Variants in CCSER1 observed in about 807,000 individuals in gnomAD.
The protein encoded by CCSER1 is serine-rich coiled-coil domain-containing protein 1.
CCSER1 carries 41 observed loss-of-function variants against 82.0 expected under a neutral mutation model. That is an observed-to-expected ratio of 0.50 (90% CI 0.39 to 0.65). The LOEUF (loss-of-function observed/expected upper bound fraction) is 0.65, where lower values mean the gene tolerates loss of function less well. CCSER1 is among the 30% of genes least tolerant of loss of function. CCSER1 has a pLI of 0.00. For missense variants in CCSER1, 1,119 were observed against 1,064.2 expected (o/e 1.05, Z -0.72); for synonymous variants, 414 against 383.9 (o/e 1.08, Z -0.92).
chr4:90,544,108 C>T (rs996058867), intron 5 of CCSER1, among the ~76,000 whole-genome samples: 4 of 152,160 alleles, frequency 2.6e-5, no homozygotes, highest in East Asian at 3.9e-4. Context: ...GATGCCTGCA[C>T]GTGTGAGGGG....
chr4:91,089,458 A>C (rs539628938), intron 10 of CCSER1, among the ~76,000 whole-genome samples: 8 of 152,324 alleles, frequency 5.3e-5, no homozygotes, highest in Non-Finnish European at 1.0e-4. Flanking sequence ...AATATAAAAC[A>C]ATATGGGGGG....
chr4:90,661,927 G>T (rs1214636657), intron 6 of CCSER1, among the ~76,000 whole-genome samples: 2 of 151,116 alleles, frequency 1.3e-5, no homozygotes, highest in Admixed American at 6.6e-5. Context: ...TTTATTTTAG[G>T]TCTGCTGTGT....
chr4:91,111,791 A>G (rs17183233), intron 10 of CCSER1, among the ~76,000 whole-genome samples: 4,452 of 151,356 alleles, frequency 0.029, 103 homozygotes, highest in Non-Finnish European at 0.043. Context: ...TGAAGCAAGA[A>G]ATACTGTATC....
chr4:90,974,531 TG>T (rs1316397293), intron 9 of CCSER1, among the ~76,000 whole-genome samples: 2 of 151,128 alleles, frequency 1.3e-5, no homozygotes, highest in Non-Finnish European at 3.0e-5. Flanking sequence ...ATCATGTGTT[TG>T]ATAAAAGACT....
intron 7 of CCSER1, among the ~76,000 whole-genome samples, chr4:90,752,006 T>C (rs570599841): frequency 3.3e-5 from 5 of 152,136 alleles, no homozygotes; most frequent in Non-Finnish European, 7.4e-5. Context: ...TTGTCCCTGC[T>C]AAGCCACAAA....
chr4:91,153,516 C>T (rs1465772450), intron 10 of CCSER1, among the ~76,000 whole-genome samples: 1 of 152,010 alleles, frequency 6.6e-6, no homozygotes, highest in Non-Finnish European at 1.5e-5. Context: ...CTTCTCTCAA[C>T]TTGTCAAAGT....
Position 91,592,825 on chromosome 4 carries a change from AT to A in CCSER1, c.2218-5737del, listed in dbSNP as rs577701719. 8.0e-5 allele frequency among the ~76,000 whole-genome samples: 12 copies of A among 149,648 alleles called. No homozygotes were observed. In the South Asian group the frequency reaches 1.1e-3, roughly 13 times the overall value. ...AGAACAATTCTTGTTGTAAAGCAAT[AT>A]TTTTTTTTTGTTAAGTGGAGAACAT... On this transcript the variant is annotated intron_variant, in intron 10 of 10. Coordinates refer to ENST00000509176, the MANE Select transcript of CCSER1 (RefSeq NM_001145065.2).
intron 8 of CCSER1, among the ~76,000 whole-genome samples, chr4:90,917,525 G>C (rs6811626): frequency 0.47 from 70,709 of 151,866 alleles, 18,079 homozygotes; most frequent in African/African-American, 0.69. Context: ...GGTAGAAGGA[G>C]GGGGGAGGGA....
At chr4:91,589,578 T>G (rs1213380162) in intron 10 of CCSER1, among the ~76,000 whole-genome samples, 1 of 138,916 alleles carries the variant, frequency 7.2e-6, no homozygotes, top group Non-Finnish European at 1.5e-5. Context: ...GAGGCTCTTT[T>G]TTTTTTTTTT....
intron 10 of CCSER1, among the ~76,000 whole-genome samples, chr4:91,513,865 G>GCTAGCAGT (rs1301676305): frequency 1.3e-5 from 2 of 151,782 alleles, no homozygotes; most frequent in African/African-American, 4.8e-5. Context: ...ACTTCAAGTA[G>GCTAGCAGT]CTAGCAGTCT....
chr4:90,507,415 T>C lies in CCSER1; in HGVS notation c.1724+39061T>C, dbSNP rs900289636. Reference sequence around the variant, plus strand: ...TTATTTGAAAAAAACATACAACTATTAAATTTCAAACTGTGACAGTTAATC... The same window carrying C: ...TTATTTGAAAAAAACATACAACTATCAAATTTCAAACTGTGACAGTTAATC... On this transcript the variant is annotated intron_variant, in intron 5 of 10. Coordinates refer to ENST00000509176, the MANE Select transcript of CCSER1 (RefSeq NM_001145065.2). Among the ~76,000 whole-genome samples the C allele has an allele frequency of 6.6e-5, 10 of 152,242 alleles. No individual in the cohort carries two copies. The East Asian group carries it at 1.7e-3, about 26-fold the overall frequency.
rs887268975 is a variant in CCSER1 at position 90,149,367 on chromosome 4, GTTT to G, written c.-42+21538_-42+21540del. ...GAACATTTGCTATTTTATTGTTGCT[GTTT>G]TCAGGCAAAGCCATTTCATTGCCCT... On this transcript the variant is annotated intron_variant, in intron 1 of 10. Transcript: ENST00000509176. 5.9e-5 allele frequency among the ~76,000 whole-genome samples: 9 copies of G among 151,972 alleles called. 1 individual carries two copies. Among genetic ancestry groups the G allele is most frequent in the African/African-American group, 2.2e-4 (9 of 41,448 alleles).
intron 1 of CCSER1, among the ~76,000 whole-genome samples, chr4:90,189,210 T>G (rs1273676498): frequency 6.6e-6 from 1 of 151,958 alleles, no homozygotes; most frequent in Non-Finnish European, 1.5e-5. Flanking sequence ...AAGGTACTCA[T>G]AGAAGCCCGT....
chr4:90,697,545 A>G (rs1342125911), intron 6 of CCSER1, among the ~76,000 whole-genome samples: 1 of 152,110 alleles, frequency 6.6e-6, no homozygotes, highest in Non-Finnish European at 1.5e-5. Flanking sequence ...AACAATTCTT[A>G]CCTACTTTTA....
At chr4:90,792,542 A>T (rs1755400100) in intron 7 of CCSER1, among the ~76,000 whole-genome samples, 1 of 152,196 alleles carries the variant, frequency 6.6e-6, no homozygotes, top group Admixed American at 6.5e-5. Flanking sequence ...AAGGGTGCCT[A>T]CTACCTATAG....
intron 9 of CCSER1, among the ~76,000 whole-genome samples, chr4:91,013,420 TTC>T (rs1739157560): frequency 7.5e-6 from 1 of 133,226 alleles, no homozygotes; most frequent in Admixed American, 7.5e-5. Context: ...TGATCCATTG[TTC>T]TATATGTCTG....
chr4:90,981,811 TCTC>T lies in CCSER1; in HGVS notation c.2172+58368_2172+58370del, dbSNP rs1273030561. On this transcript the variant is annotated intron_variant, in intron 9 of 10. Transcript: ENST00000509176. The stretch of plus-strand genomic sequence containing the variant: ...AGCAATTAGGATAGCTTATATGAGG[TCTC>T]CTCAATGGTGTGGTTGCTATAAACA... Among the ~76,000 whole-genome samples the T allele has an allele frequency of 8.6e-5, 13 of 151,852 alleles. No homozygotes were observed. In the East Asian group the frequency reaches 1.6e-3, roughly 18 times the overall value.
Position 91,054,299 on chromosome 4 carries a change from G to A in CCSER1, c.2173-31651G>A, listed in dbSNP as rs188457329. Among the ~76,000 whole-genome samples, 196 of 152,230 alleles carry A rather than the reference G, an allele frequency of 1.3e-3. 1 individual carries two copies. The highest frequency in any genetic ancestry group is 3.6e-3 in the African/African-American group (149 of 41,542). On this transcript the variant is annotated intron_variant, in intron 9 of 10. Transcript: ENST00000509176. ...AGACATTGAGCAGAGAAATCAAATCGCTCAAATTCACCTTGAAGGCTCAGG... is the reference window on the plus strand; with the variant it reads ...AGACATTGAGCAGAGAAATCAAATCACTCAAATTCACCTTGAAGGCTCAGG...
intron 8 of CCSER1, among the ~76,000 whole-genome samples, chr4:90,820,769 T>G (rs1759630103): frequency 6.6e-6 from 1 of 151,394 alleles, no homozygotes; most frequent in Admixed American, 6.6e-5. Flanking sequence ...ATGTTGCTTA[T>G]AAAATTATTA....
Sources: gnomAD v4.1 joint callset for allele counts (sites outside exome capture counted in the v4.1 genomes callset) on GRCh38, gnomAD v4.1.1 for gene constraint, MANE v1.5 for transcripts, NCBI Gene and HGNC (gene_info 2026-07-23, HGNC 2026-07-21) for gene names.